The following ZBTB20 variants were observed in gnomAD, a reference collection of about 807,000 sequenced individuals.
ZBTB20 encodes the protein zinc finger and BTB domain containing 20, also known as zinc finger and BTB domain-containing protein 20.
In ZBTB20, 9 loss-of-function variants were observed where a neutral mutation model predicts 56.9. That is an observed-to-expected ratio of 0.16 (90% CI 0.10 to 0.28). The LOEUF (loss-of-function observed/expected upper bound fraction) is 0.28. ZBTB20 is among the 10% of genes least tolerant of loss of function. The pLI is 1.00. For synonymous variants in ZBTB20, 417 were observed against 420.7 expected (o/e 0.99, Z 0.11); for missense variants, 655 against 1,003.0 (o/e 0.65, Z 4.69).
chr3:114,493,902 C>T lies in ZBTB20; in HGVS notation c.-255+6450G>A, dbSNP rs376810154. 2.7e-4 allele frequency among the ~76,000 whole-genome samples: 41 copies of T among 152,158 alleles called. 1 individual carries two copies. The highest frequency in any genetic ancestry group is 9.4e-4 in the African/African-American group (39 of 41,504). ...GTTAATATTCCTTTATTATATATAC[C>T]TTTAGTATTTAGTAGACACTCAACT... On this transcript the variant is annotated intron_variant, in intron 7 of 11. Transcript: ENST00000675478.
At chr3:114,510,275 G>A (rs2045193113) in intron 6 of ZBTB20, among the ~76,000 whole-genome samples, 1 of 152,122 alleles carries the variant, frequency 6.6e-6, no homozygotes, top group South Asian at 2.1e-4. Context: ...ACACTTCAAG[G>A]GAAGTCCATT....
At chr3:114,518,105 G>A (rs1013411523) in intron 6 of ZBTB20, among the ~76,000 whole-genome samples, 8 of 152,188 alleles carry the variant, frequency 5.3e-5, no homozygotes, top group Non-Finnish European at 1.2e-4. Flanking sequence ...GGGTTTCCAA[G>A]GGGCCTTCCT....
rs867837716 is a variant in ZBTB20, at chr3:115,074,327, C to T, written c.-702-2913G>A. Among the ~76,000 whole-genome samples the T allele has an allele frequency of 1.7e-4, 26 of 152,276 alleles. No homozygotes were observed. The South Asian group carries it at 1.9e-3, about 11-fold the overall frequency. The stretch of plus-strand genomic sequence containing the variant: ...CATTAACTGCCTGATAGGTTCCAGA[C>T]TCCAAACTTGATAGTGGGTTGGTAG... On this transcript the variant is annotated intron_variant, in intron 1 of 11. Transcript: ENST00000675478.
chr3:115,059,192 T>C (rs1439511961), intron 2 of ZBTB20, among the ~76,000 whole-genome samples: 1 of 152,210 alleles, frequency 6.6e-6, no homozygotes, highest in Non-Finnish European at 1.5e-5. Flanking sequence ...CCCAGTTACA[T>C]GTCACATTTT....
chr3:114,979,082 T>A (rs1560457839), intron 2 of ZBTB20, among the ~76,000 whole-genome samples: 1 of 151,920 alleles, frequency 6.6e-6, no homozygotes, highest in Admixed American at 6.6e-5. Flanking sequence ...TTTATAAAGA[T>A]AACAGCAACT....
intron 6 of ZBTB20, among the ~76,000 whole-genome samples, chr3:114,627,999 T>C (rs548225224): frequency 1.3e-5 from 2 of 152,268 alleles, no homozygotes; most frequent in African/African-American, 4.8e-5. Flanking sequence ...CTTGGGCAAG[T>C]CAAGTCCCTT....
chr3:114,616,304 C>A (rs745632668), intron 6 of ZBTB20, among the ~76,000 whole-genome samples: 1 of 152,184 alleles, frequency 6.6e-6, no homozygotes, highest in Non-Finnish European at 1.5e-5. Flanking sequence ...AGCAAACTCT[C>A]CAGGATTTTG....
At chr3:115,060,450 C>T (rs1024409787) in intron 2 of ZBTB20, among the ~76,000 whole-genome samples, 3 of 152,060 alleles carry the variant, frequency 2.0e-5, no homozygotes, top group African/African-American at 7.2e-5. Flanking sequence ...AAGGCTTTCC[C>T]GGGATCCATG....
chr3:114,943,299 C>A lies in ZBTB20; in HGVS notation c.-456+31067G>T, dbSNP rs1220363338. The stretch of plus-strand genomic sequence containing the variant: ...ATCTGTGAGGAGAAAATTAAATCCC[C>A]ATGGAAAAATATAATACCATACAAA... On this transcript the variant is annotated intron_variant, in intron 3 of 11. Coordinates refer to ENST00000675478, the MANE Select transcript of ZBTB20 (RefSeq NM_001348800.3). 5.5e-5 allele frequency among the ~76,000 whole-genome samples: 8 copies of A among 144,916 alleles called. 3 individuals carry two copies. The highest frequency in any genetic ancestry group is 2.3e-4 in the African/African-American group (8 of 35,372).
chr3:114,755,969 T>C (rs1042449745), intron 5 of ZBTB20, among the ~76,000 whole-genome samples: 1 of 152,224 alleles, frequency 6.6e-6, no homozygotes, highest in East Asian at 1.9e-4. Context: ...GGCAACTGTA[T>C]AGCACTTCAC....
chr3:114,494,579 T>C (rs1236703459), intron 7 of ZBTB20, among the ~76,000 whole-genome samples: 2 of 152,248 alleles, frequency 1.3e-5, no homozygotes, highest in Non-Finnish European at 2.9e-5. Context: ...CCTTGGTCTA[T>C]ATTTCTCAGG....
chr3:114,487,685 A>G (rs553156691), intron 7 of ZBTB20, among the ~76,000 whole-genome samples: 3 of 152,164 alleles, frequency 2.0e-5, no homozygotes, highest in Non-Finnish European at 4.4e-5. Flanking sequence ...CACAGGGAAG[A>G]CGCCCTGTCA....
chr3:115,135,384 G>C (rs2084626190), intron 1 of ZBTB20, among the ~76,000 whole-genome samples: 2 of 152,118 alleles, frequency 1.3e-5, no homozygotes, highest in Admixed American at 1.3e-4. Flanking sequence ...TTATTCCTAA[G>C]AATCAATAGT....
At chr3:114,859,671 T>C (rs1434177337) in intron 4 of ZBTB20, among the ~76,000 whole-genome samples, 1 of 149,052 alleles carries the variant, frequency 6.7e-6, no homozygotes, top group Non-Finnish European at 1.5e-5. Flanking sequence ...CTGCAATATA[T>C]AGCATGCTCT....
At chr3:114,744,881 T>G (rs1286590417) in intron 5 of ZBTB20, among the ~76,000 whole-genome samples, 6 of 151,800 alleles carry the variant, frequency 4.0e-5, no homozygotes, top group Middle Eastern at 3.2e-3. Context: ...GGTGAATGTG[T>G]GCAAAGAGCC....
chr3:114,901,446 T>G (rs764239987), intron 3 of ZBTB20, among the ~76,000 whole-genome samples: 8 of 152,154 alleles, frequency 5.3e-5, no homozygotes, highest in Non-Finnish European at 8.8e-5. Flanking sequence ...TCGTATATTC[T>G]GATGGGAATG....
chr3:115,078,995 C>T (rs760605633), intron 1 of ZBTB20, among the ~76,000 whole-genome samples: 4 of 151,946 alleles, frequency 2.6e-5, no homozygotes, highest in East Asian at 3.8e-4. Context: ...TTTCAATTAG[C>T]GTTTTCACCA....
intron 2 of ZBTB20, among the ~76,000 whole-genome samples, chr3:115,057,136 G>A (rs1035378419): frequency 1.3e-5 from 2 of 152,074 alleles, no homozygotes; most frequent in South Asian, 2.1e-4. Flanking sequence ...TCTGGTGGAT[G>A]AGCTGCTATT....
At chr3:114,845,889 A>G (rs1372341270) in intron 4 of ZBTB20, among the ~76,000 whole-genome samples, 2 of 152,174 alleles carry the variant, frequency 1.3e-5, no homozygotes, top group African/African-American at 2.4e-5. Context: ...GCTCAACTGC[A>G]CTTGTCTTGA....
Sources: gnomAD v4.1 joint callset for allele counts (sites outside exome capture counted in the v4.1 genomes callset) on GRCh38, gnomAD v4.1.1 for gene constraint, MANE v1.5 for transcripts, NCBI Gene and HGNC (gene_info 2026-07-23, HGNC 2026-07-21) for gene names.